The following ITPR1 variants were observed in gnomAD, a reference collection of about 807,000 sequenced individuals.
ITPR1 encodes the protein inositol 1,4,5-trisphosphate-gated calcium channel ITPR1.
In ITPR1, 96 loss-of-function variants were observed where a neutral mutation model predicts 318.4. That is an observed-to-expected ratio of 0.30 (90% CI 0.26 to 0.36). The LOEUF is 0.36. Ranked by LOEUF, ITPR1 falls within the 10% of genes least tolerant of loss-of-function variation. ITPR1 has a pLI of 1.00. For missense variants in ITPR1, 2,440 were observed against 3,460.2 expected (o/e 0.71, Z 7.40); for synonymous variants, 1,312 against 1,289.9 (o/e 1.02, Z -0.37).
At chr3:4,580,804 C>T (rs1329033765) in intron 4 of ITPR1, among the ~76,000 whole-genome samples, 4 of 150,872 alleles carry the variant, frequency 2.7e-5, no homozygotes, top group Admixed American at 1.3e-4. Flanking sequence ...TGAATGGGGC[C>T]GCCTCTTGGG....
intron 4 of ITPR1, among the ~76,000 whole-genome samples, chr3:4,585,749 T>TC (rs1280114810): frequency 2.6e-5 from 4 of 151,938 alleles, no homozygotes; most frequent in Admixed American, 1.3e-4. Context: ...ACATGCACTT[T>TC]TTTTTTTAAC....
At chr3:4,781,907 TG>T (rs1255649250) in intron 49 of ITPR1, among the ~76,000 whole-genome samples, 1 of 152,120 alleles carries the variant, frequency 6.6e-6, no homozygotes, top group Non-Finnish European at 1.5e-5. Context: ...CACTTGAGCC[TG>T]GGAGGTCAGG....
At chr3:4,634,915 G>A (rs190881417) in intron 5 of ITPR1, among the ~76,000 whole-genome samples, 37 of 152,238 alleles carry the variant, frequency 2.4e-4, no homozygotes, top group African/African-American at 8.4e-4. Flanking sequence ...ATTTTTGGGG[G>A]TATTTTTAGT....
In ITPR1 at chr3:4,680,637, A is replaced by T. The variant is rs1474153091; in HGVS notation, c.3052A>T (p.Thr1018Ser). The stretch of plus-strand genomic sequence containing the variant: ...AGAGTTTGATGAAAGCAATTCCCAG[A>T]CTTCAGAAACATCCTCCGGAAACAG... ...KREFDESNSQ[T>S]SETSSGNSSQ... Residue 1018 changes from threonine (T) to serine (S), a missense_variant, in exon 25 of 62, where the codon ACT becomes TCT. Thr to Ser is a moderately conservative substitution (Grantham distance 58). Transcript: ENST00000649015. The T allele has an allele frequency of 2.5e-6, 4 of 1,613,756 alleles. No homozygotes were observed. Among genetic ancestry groups the T allele is most frequent in the Non-Finnish European group, 2.5e-6 (3 of 1,179,798 alleles).
chr3:4,645,635 C>T lies in ITPR1; in HGVS notation c.762C>T (p.Asp254=), dbSNP rs748876529. 2.3e-5 allele frequency: 37 copies of T among 1,613,110 alleles called. No individual in the cohort carries two copies. The highest frequency in any genetic ancestry group is 4.5e-5 in the East Asian group (2 of 44,866). Residue 254 remains aspartate, a synonymous_variant, in exon 10 of 62, where the codon GAC becomes GAT. Coordinates refer to ENST00000649015, the MANE Select transcript of ITPR1 (RefSeq NM_001378452.1). ...HAEQEKFLTC[D]EHRKKQHVFL... ...AGCAGGAGAAGTTTCTCACCTGTGA[C>T]GAACACAGGAAGAAGCAGCACGTCT...
intron 4 of ITPR1, among the ~76,000 whole-genome samples, chr3:4,535,316 C>G (rs138037544): frequency 6.6e-6 from 1 of 151,674 alleles, no homozygotes; most frequent in African/African-American, 2.4e-5. Context: ...TTGTCCCCTA[C>G]AGGGTACAAA....
intron 16 of ITPR1, 49 bp from the exon 17 acceptor site, chr3:4,665,089 T>C (rs1034110183): frequency 6.2e-7 from 1 of 1,603,732 alleles, no homozygotes; most frequent in African/African-American, 1.3e-5. Flanking sequence ...GAGGGTTAGC[T>C]TTGAAGCCCT....
chr3:4,514,036 G>A (rs1159527987), intron 2 of ITPR1, among the ~76,000 whole-genome samples: 2 of 151,708 alleles, frequency 1.3e-5, no homozygotes, highest in African/African-American at 4.8e-5. Context: ...GCAGTGAGCT[G>A]AGATTGTGCC....
intron 4 of ITPR1, among the ~76,000 whole-genome samples, chr3:4,617,179 C>A (rs2092420667): frequency 6.6e-6 from 1 of 152,092 alleles, no homozygotes; most frequent in Non-Finnish European, 1.5e-5. Flanking sequence ...AGGAAGATTT[C>A]TCTGTCCCCA....
At chr3:4,688,314 A>G (rs1213824954) in intron 30 of ITPR1, among the ~76,000 whole-genome samples, 181 bp from the exon 31 acceptor site, 1 of 152,180 alleles carries the variant, frequency 6.6e-6, no homozygotes, top group African/African-American at 2.4e-5. Context: ...CTTTCATCCA[A>G]TGAGCATAGA....
At chr3:4,776,786 G>A (rs558519467) in intron 47 of ITPR1, among the ~76,000 whole-genome samples, 2 of 152,292 alleles carry the variant, frequency 1.3e-5, no homozygotes, top group East Asian at 3.9e-4. Context: ...GGATTGTGCT[G>A]CAAACGGAGA....
At chr3:4,586,593 T>G (rs2089925838) in intron 4 of ITPR1, among the ~76,000 whole-genome samples, 1 of 151,666 alleles carries the variant, frequency 6.6e-6, no homozygotes, top group African/African-American at 2.4e-5. Context: ...CCCTGCAGCT[T>G]TGACCTCCCT....
chr3:4,723,104 T>G (rs1048482569), intron 40 of ITPR1, among the ~76,000 whole-genome samples: 1 of 152,182 alleles, frequency 6.6e-6, no homozygotes, highest in Non-Finnish European at 1.5e-5. Flanking sequence ...GCCGAGATCA[T>G]GCCACTGCAC....
chr3:4,537,215 T>A (rs1242277551), intron 4 of ITPR1, among the ~76,000 whole-genome samples: 2 of 152,364 alleles, frequency 1.3e-5, no homozygotes, highest in East Asian at 3.9e-4. Flanking sequence ...ATTGGAATTA[T>A]CTGTTCCTTG....
At chr3:4,652,926 T>G (rs2093628324) in intron 11 of ITPR1, among the ~76,000 whole-genome samples, 1 of 152,042 alleles carries the variant, frequency 6.6e-6, no homozygotes, top group Non-Finnish European at 1.5e-5. Context: ...AGGCAGAGGT[T>G]GCAGTGACCC....
intron 33 of ITPR1, among the ~76,000 whole-genome samples, chr3:4,694,284 T>C: frequency 7.3e-6 from 1 of 136,730 alleles, no homozygotes; most frequent in South Asian, 2.1e-4. Flanking sequence ...AACTGGATTA[T>C]AAAGTATATA....
At chr3:4,717,892 G>A (rs1222146713) in intron 40 of ITPR1, among the ~76,000 whole-genome samples, 1 of 152,108 alleles carries the variant, frequency 6.6e-6, no homozygotes, top group Non-Finnish European at 1.5e-5. Context: ...TTTTTTAAGC[G>A]CAGTGTGAAT....
At chr3:4,676,585 T>C in intron 23 of ITPR1, 29 bp from the exon 24 acceptor site, 2 of 1,587,680 alleles carry the variant, frequency 1.3e-6, no homozygotes, top group Non-Finnish European at 1.7e-6. Flanking sequence ...AGAGACATTG[T>C]GACCGTGGTC....
intron 4 of ITPR1, 72 bp from the exon 5 acceptor site, chr3:4,627,691 C>CT (rs139104291): frequency 0.018 from 13,447 of 765,486 alleles, 21 homozygotes; most frequent in East Asian, 0.04. Flanking sequence ...AGTGGAAAGC[C>CT]TTTTTTTTTT....
Sources: gnomAD v4.1 joint callset for allele counts (sites outside exome capture counted in the v4.1 genomes callset) on GRCh38, gnomAD v4.1.1 for gene constraint, MANE v1.5 for transcripts, NCBI Gene and HGNC (gene_info 2026-07-23, HGNC 2026-07-21) for gene names.